PLA2R1: variants seen among roughly 807,000 people sequenced by gnomAD.
PLA2R1 encodes phospholipase A2 receptor 1.
PLA2R1 carries 158 observed loss-of-function variants against 195.9 expected under a neutral mutation model. The observed-to-expected ratio is 0.81, with a 90% CI of 0.71 to 0.92. PLA2R1 has a LOEUF of 0.92. Among genes scored for constraint, PLA2R1 ranks in the 40% least tolerant of loss-of-function variants. PLA2R1 has a pLI of 0.00. For missense variants in PLA2R1, 1,626 were observed against 1,764.6 expected (o/e 0.92, Z 1.41); for synonymous variants, 586 against 598.2 (o/e 0.98, Z 0.30).
chr2:159,934,470 C>T lies in PLA2R1; in HGVS notation c.*7308G>A, dbSNP rs1686720138. ...ACATGAGAGAAAAAATGTCATATAG[C>T]AGTGGTCCTCAAACTTTTTGGCTAG... On this transcript the variant is annotated 3_prime_UTR_variant, in exon 30 of 30. Transcript: ENST00000283243. 1 of 152,120 alleles carries T rather than the reference C, an allele frequency of 6.6e-6. No homozygotes were observed. The highest frequency in any genetic ancestry group is 2.4e-5 in the African/African-American group (1 of 41,410). The allele number at this position is 152,120 out of a possible 1,614,324, so 9.4% of individuals were successfully genotyped here. A position where few individuals can be genotyped will look rare whatever the true frequency, so the allele number is the denominator to read the frequency against.
At position 160,055,867 on chromosome 2, in the gene PLA2R1, A is replaced by T. The variant is rs562850659; in HGVS notation, c.109+6428T>A. Among the ~76,000 whole-genome samples the T allele has an allele frequency of 2.0e-5, 3 of 152,292 alleles. No homozygotes were observed. The East Asian group carries it at 5.8e-4, about 29-fold the overall frequency. On this transcript the variant is annotated intron_variant, in intron 1 of 29. Coordinates refer to ENST00000283243, the MANE Select transcript of PLA2R1 (RefSeq NM_007366.5). ...GGGCATTTTTACCTTTGTATTAGAA[A>T]CAGAAGCTATGCAGGAAATCTCAGG... is the stretch of plus-strand genomic sequence containing the variant.
At chr2:160,027,275 T>C (rs1693583163) in intron 6 of PLA2R1, among the ~76,000 whole-genome samples, 1 of 150,030 alleles carries the variant, frequency 6.7e-6, no homozygotes, top group South Asian at 2.1e-4. Context: ...CAGGAGGGAA[T>C]GCAAGATGGC....
intron 11 of PLA2R1, among the ~76,000 whole-genome samples, chr2:159,989,266 A>G (rs1293704122): frequency 2.6e-5 from 4 of 152,224 alleles, no homozygotes; most frequent in Non-Finnish European, 4.4e-5. Flanking sequence ...CTGTTGAATA[A>G]TTTCAGAATG....
chr2:159,994,587 A>G (rs545398722), intron 11 of PLA2R1, among the ~76,000 whole-genome samples: 1 of 152,182 alleles, frequency 6.6e-6, no homozygotes, highest in East Asian at 1.9e-4. Flanking sequence ...TTTTTTGGAA[A>G]TAATGCTGAA....
At chr2:160,028,158 A>C (rs1265582840) in intron 6 of PLA2R1, 60 bp downstream of exon 6, 3 of 1,103,374 alleles carry the variant, frequency 2.7e-6, no homozygotes, top group Non-Finnish European at 3.9e-6. Flanking sequence ...AGAGAAATTT[A>C]CATATATTGA....
At chr2:159,942,976 T>C (rs2089817) in intron 28 of PLA2R1, among the ~76,000 whole-genome samples, 1,938 of 150,698 alleles carry the variant, frequency 0.013, 48 homozygotes, top group African/African-American at 0.043. Flanking sequence ...ACTTGTTCTT[T>C]TTTTTTTTTT....
chr2:160,023,716 G>T (rs1317785720), intron 6 of PLA2R1, among the ~76,000 whole-genome samples: 1 of 152,120 alleles, frequency 6.6e-6, no homozygotes, highest in Non-Finnish European at 1.5e-5. Flanking sequence ...TCTTTCTTGG[G>T]GTTTGGATCA....
intron 9 of PLA2R1, among the ~76,000 whole-genome samples, chr2:160,014,317 A>G (rs575667705): frequency 6.6e-6 from 1 of 151,218 alleles, no homozygotes; most frequent in African/African-American, 2.4e-5. Context: ...TGGCACTCAG[A>G]CAAAAATGAC....
At chr2:159,993,949 C>G (rs1046487445) in intron 11 of PLA2R1, among the ~76,000 whole-genome samples, 1 of 151,398 alleles carries the variant, frequency 6.6e-6, no homozygotes, top group Non-Finnish European at 1.5e-5. Context: ...AAAATTGTAC[C>G]ACGGGGTAAC....
intron 9 of PLA2R1, among the ~76,000 whole-genome samples, 178 bp from the exon 10 acceptor site, chr2:160,013,553 C>T (rs184025770): frequency 1.2e-3 from 175 of 152,124 alleles, no homozygotes; most frequent in African/African-American, 4.0e-3. Flanking sequence ...ATTAACTACA[C>T]CCACTTCTAC....
intron 20 of PLA2R1, among the ~76,000 whole-genome samples, chr2:159,961,190 C>T (rs746895658): frequency 3.9e-5 from 6 of 152,114 alleles, no homozygotes; most frequent in South Asian, 2.1e-4. Context: ...GGCATTAATG[C>T]GCAGGAGAAG....
At chr2:160,029,486 G>A (rs973254071) in intron 4 of PLA2R1, among the ~76,000 whole-genome samples, 2 of 152,296 alleles carry the variant, frequency 1.3e-5, no homozygotes, top group East Asian at 3.9e-4. Context: ...GCTGTGTGCA[G>A]TGCAAACTGG....
At chr2:159,998,490 C>T (rs1043850850) in intron 11 of PLA2R1, among the ~76,000 whole-genome samples, 39 of 152,250 alleles carry the variant, frequency 2.6e-4, no homozygotes, top group African/African-American at 9.1e-4. Flanking sequence ...AGTGCAGTCT[C>T]TTATATCTGT....
chr2:159,963,780 T>C (rs992305078), intron 20 of PLA2R1, among the ~76,000 whole-genome samples: 1 of 152,132 alleles, frequency 6.6e-6, no homozygotes, highest in African/African-American at 2.4e-5. Context: ...GCTAGCAGGA[T>C]TGTAAAATGG....
Position 159,942,277 on chromosome 2 carries a change from T to C in PLA2R1, c.4145-118A>G, listed in dbSNP as rs1390418783. ...ATGACCCTATTTTTATAAAAAATGT[T>C]TTACTGGAACTTAGCCACACTCATT... On this transcript the variant is annotated intron_variant, in intron 28 of 29. Coordinates refer to ENST00000283243, the MANE Select transcript of PLA2R1 (RefSeq NM_007366.5). 9.5e-6 allele frequency: 7 copies of C among 738,182 alleles called. No homozygotes were observed. In the Admixed American group the frequency reaches 1.8e-4, roughly 19 times the overall value. The allele number at this position is 738,182 out of a possible 1,614,324, so 45.7% of individuals were successfully genotyped here.
chr2:159,985,564 CAT>C (rs1364635775), intron 12 of PLA2R1, among the ~76,000 whole-genome samples: 1 of 151,932 alleles, frequency 6.6e-6, no homozygotes, highest in Non-Finnish European at 1.5e-5. Flanking sequence ...TATACACACA[CAT>C]ACATACACAC....
At chr2:159,983,486 T>C (rs1236360068) in intron 13 of PLA2R1, among the ~76,000 whole-genome samples, 1 of 149,850 alleles carries the variant, frequency 6.7e-6, no homozygotes, top group Non-Finnish European at 1.5e-5. Context: ...AAATCTTACA[T>C]AGGCTCCAAT....
In PLA2R1 at chr2:160,044,907, C is replaced by T; in HGVS notation, c.360G>A (p.Lys120=). Residue 120 remains lysine (K), a synonymous_variant, in exon 2 of 30, where the codon AAG becomes AAA. Coordinates refer to ENST00000283243, the MANE Select transcript of PLA2R1 (RefSeq NM_007366.5). ...LVSLRWRCNR[K]MITGPLQYSV... ...AGTACTGCAGCGGGCCTGTGATCATCTTCCTGTTACAGCGCCACCGTAAGG... is the reference window on the plus strand; with the variant it reads ...AGTACTGCAGCGGGCCTGTGATCATTTTCCTGTTACAGCGCCACCGTAAGG... The T allele has an allele frequency of 6.2e-7, 1 of 1,614,150 alleles. No individual in the cohort carries two copies. The highest frequency in any genetic ancestry group is 8.5e-7 in the Non-Finnish European group (1 of 1,180,034).
chr2:159,969,357 C>T lies in PLA2R1; in HGVS notation c.2663G>A (p.Trp888Ter). 2 of 1,560,754 alleles carry T rather than the reference C, an allele frequency of 1.3e-6. No individual in the cohort carries two copies. Among genetic ancestry groups the T allele is most frequent in the Non-Finnish European group, 1.8e-6 (2 of 1,132,174 alleles). The change falls in exon 19 of 30, where the codon TGG (tryptophan) becomes TAG (stop). Residue 888 changes from tryptophan to a stop codon, truncating the protein, a stop_gained and splice_region_variant. Transcript: ENST00000283243. LOFTEE classifies it high-confidence loss of function. ...GTATATCACTGGTGTTCCATCTCTC[C>T]AGCTGTGGGAAGATTAAAAATGTTA... ...QEERANDEFRWRDGTPVIYQN... is the reference protein window; with the variant it reads ...QEERANDEFR
Sources: allele counts gnomAD v4.1 joint callset (sites outside exome capture counted in the v4.1 genomes callset), GRCh38; gene constraint gnomAD v4.1.1; transcripts MANE v1.5; gene names NCBI Gene and HGNC (gene_info 2026-07-23, HGNC 2026-07-21).